Variants in KRABD2 observed in about 807,000 individuals in gnomAD.
KRABD2 encodes the protein KRAB domain-containing protein 2.
chr17:8,369,750 G>A, the KRABD2 span: 1 of 1,614,100 alleles, frequency 6.2e-7, no homozygotes, highest in African/African-American at 1.3e-5. Context: ...AAACTTGGTT[G>A]AGTGATCCTG....
the KRABD2 span, among the ~76,000 whole-genome samples, chr17:8,372,938 C>T: frequency 6.6e-6 from 1 of 152,140 alleles, no homozygotes; most frequent in African/African-American, 2.4e-5. The surrounding 1 kb of genome is among the most constrained non-coding windows in gnomAD (Gnocchi z 4.1). Context: ...AGGCAACAGG[C>T]TAGAAACAAT....
At chr17:8,371,329 T>C in the KRABD2 span, 5 of 1,612,758 alleles carry the variant, frequency 3.1e-6, no homozygotes, top group South Asian at 1.1e-5. Flanking sequence ...CGTGTTCTCA[T>C]AACTGTCCAG....
At chr17:8,369,994 C>G in the KRABD2 span, 3 of 1,614,198 alleles carry the variant, frequency 1.9e-6, no homozygotes, top group East Asian at 2.2e-5. Context: ...GTCCGCCCAC[C>G]ATGTCCAATA....
At chr17:8,376,304 A>C in the KRABD2 span, 1 of 1,225,306 alleles carries the variant, frequency 8.2e-7, no homozygotes, top group Non-Finnish European at 1.0e-6. Context: ...TCATTTACTG[A>C]CTAAAGCAAA....
At chr17:8,373,217 G>C in the KRABD2 span, among the ~76,000 whole-genome samples, 4 of 151,984 alleles carry the variant, frequency 2.6e-5, no homozygotes, top group Non-Finnish European at 4.4e-5. Flanking sequence ...GTCTCCCTCT[G>C]ATGCCAAGCC....
chr17:8,370,252 C>T, the KRABD2 span: 12 of 1,613,652 alleles, frequency 7.4e-6, no homozygotes, highest in Non-Finnish European at 1.0e-5. Flanking sequence ...CTTTTGCTTT[C>T]TACTAACTTT....
chr17:8,374,843 C>T, the KRABD2 span, among the ~76,000 whole-genome samples: 1 of 129,992 alleles, frequency 7.7e-6, no homozygotes, highest in African/African-American at 2.9e-5. Flanking sequence ...GAGGCTGAGG[C>T]AGGAGGATGA....
chr17:8,371,534 T>C, the KRABD2 span: 2 of 1,600,808 alleles, frequency 1.2e-6, no homozygotes, highest in Non-Finnish European at 1.7e-6. Flanking sequence ...AATGAAGGCA[T>C]GCAGCATAAA....
At chr17:8,365,996 C>T in the KRABD2 span, among the ~76,000 whole-genome samples, 6 of 151,910 alleles carry the variant, frequency 3.9e-5, no homozygotes, top group African/African-American at 1.5e-4. Flanking sequence ...GCGTGGTTGG[C>T]GGGCGCCTGT....
chr17:8,374,157 T>G, the KRABD2 span, among the ~76,000 whole-genome samples: 8 of 152,318 alleles, frequency 5.3e-5, no homozygotes, highest in Non-Finnish European at 1.0e-4. Context: ...CGGGCCATGG[T>G]GACGATGGCG....
the KRABD2 span, among the ~76,000 whole-genome samples, chr17:8,363,846 T>TATATCATAC: frequency 1.1e-5 from 1 of 87,422 alleles, no homozygotes; most frequent in African/African-American, 4.1e-5. Context: ...TATATATATA[T>TATATCATAC]ATATATATAT....
At chr17:8,366,264 A>C in the KRABD2 span, among the ~76,000 whole-genome samples, 1 of 152,210 alleles carries the variant, frequency 6.6e-6, no homozygotes, top group Non-Finnish European at 1.5e-5. Context: ...CATTGGGAAC[A>C]TAGGAGTACA....
At chr17:8,373,127 GTCTCCC>G in the KRABD2 span, among the ~76,000 whole-genome samples, 62 of 138,412 alleles carry the variant, frequency 4.5e-4, no homozygotes, top group Admixed American at 1.9e-3. Flanking sequence ...CGTCTCCACG[GTCTCCC>G]TCTCCCTCTC....
chr17:8,370,137 G>A, the KRABD2 span: 1 of 1,613,900 alleles, frequency 6.2e-7, no homozygotes, highest in Non-Finnish European at 8.5e-7. Flanking sequence ...ATATTTTGCT[G>A]CACGGCGATA....
chr17:8,370,189 C>T, the KRABD2 span: 2 of 1,612,848 alleles, frequency 1.2e-6, no homozygotes, highest in Middle Eastern at 1.7e-4. Flanking sequence ...GCTTCTTTAA[C>T]TTCCTTTATT....
chr17:8,363,861 ATTTATTTATT>A, the KRABD2 span, among the ~76,000 whole-genome samples: 10 of 61,824 alleles, frequency 1.6e-4, no homozygotes, highest in East Asian at 1.1e-3. Flanking sequence ...ATATATATAT[ATTTATTTATT>A]TATTTATTTA....
the KRABD2 span, chr17:8,375,872 C>T: frequency 2.4e-6 from 3 of 1,224,714 alleles, no homozygotes; most frequent in Non-Finnish European, 3.0e-6. Flanking sequence ...GAAATATTTC[C>T]AAAGCCATGT....
the KRABD2 span, among the ~76,000 whole-genome samples, chr17:8,362,549 G>C: frequency 6.6e-6 from 1 of 152,134 alleles, no homozygotes; most frequent in Admixed American, 6.5e-5. The surrounding 1 kb of genome is among the most constrained non-coding windows in gnomAD (Gnocchi z 4.2). Flanking sequence ...GTTATGTACT[G>C]TTGCATAACA....
the KRABD2 span, among the ~76,000 whole-genome samples, chr17:8,363,853 ATATATATATTTATTTATT>A: frequency 5.9e-5 from 4 of 67,828 alleles, no homozygotes; most frequent in East Asian, 9.1e-4. Flanking sequence ...ATATATATAT[ATATATATATTTATTTATT>A]TATTTATTTA....
Sources: allele counts gnomAD v4.1 joint callset (sites outside exome capture counted in the v4.1 genomes callset), GRCh38; gene constraint gnomAD v4.1.1; non-coding constraint Gnocchi (gnomAD v3.1); transcripts MANE v1.5; gene names NCBI Gene and HGNC (gene_info 2026-07-23, HGNC 2026-07-21).